The following THSD7B variants were observed in gnomAD, a reference collection of about 807,000 sequenced individuals.
THSD7B encodes thrombospondin type 1 domain containing 7B.
THSD7B carries 138 observed loss-of-function variants against 213.6 expected under a neutral mutation model. The ratio of observed to expected loss-of-function variants is 0.65; its 90% confidence interval spans 0.56 to 0.74. THSD7B has a LOEUF of 0.74. Ranked by LOEUF, THSD7B falls within the 30% of genes least tolerant of loss-of-function variation. THSD7B has a pLI of 0.00. For missense variants in THSD7B, 1,931 were observed against 1,991.5 expected (o/e 0.97, Z 0.58); for synonymous variants, 742 against 687.0 (o/e 1.08, Z -1.25).
intron 21 of THSD7B, among the ~76,000 whole-genome samples, chr2:137,651,579 A>G (rs1314853116): frequency 6.6e-6 from 1 of 151,868 alleles, no homozygotes; most frequent in African/African-American, 2.4e-5. Context: ...TCTGATGTAT[A>G]TGATTTTGTC....
chr2:136,948,155 T>C (rs1225621294), intron 2 of THSD7B, among the ~76,000 whole-genome samples: 2 of 152,186 alleles, frequency 1.3e-5, no homozygotes. Context: ...GAGTGGGTGA[T>C]AGATTGTTGA....
intron 12 of THSD7B, among the ~76,000 whole-genome samples, chr2:137,363,460 G>T (rs1335668265): frequency 6.6e-6 from 1 of 152,012 alleles, no homozygotes; most frequent in Non-Finnish European, 1.5e-5. Flanking sequence ...CTGGTTTTTT[G>T]AAAAGATCAA....
At chr2:137,551,554 T>G (rs2105206977) in intron 15 of THSD7B, among the ~76,000 whole-genome samples, 1 of 152,274 alleles carries the variant, frequency 6.6e-6, no homozygotes, top group Middle Eastern at 3.4e-3. Flanking sequence ...ACCACTGTTC[T>G]TAGGCGAAGG....
chr2:137,618,244 T>A, intron 18 of THSD7B, 148 bp from the exon 19 acceptor site: 1 of 629,452 alleles, frequency 1.6e-6, no homozygotes. Context: ...AATAAGGGCA[T>A]TGCATGATGA....
intron 15 of THSD7B, among the ~76,000 whole-genome samples, chr2:137,500,612 C>T (rs947127888): frequency 6.6e-6 from 1 of 150,890 alleles, no homozygotes; most frequent in Non-Finnish European, 1.5e-5. Flanking sequence ...CTCTGTGAAG[C>T]TATCTTTTAA....
intron 1 of THSD7B, among the ~76,000 whole-genome samples, chr2:136,769,096 G>A (rs577616444): frequency 3.9e-4 from 60 of 152,248 alleles, no homozygotes; most frequent in African/African-American, 1.3e-3. Context: ...TCCATCTACC[G>A]AGATTATTTT....
At chr2:137,284,327 T>C (rs1400620744) in intron 12 of THSD7B, among the ~76,000 whole-genome samples, 10 of 152,160 alleles carry the variant, frequency 6.6e-5, no homozygotes, top group Non-Finnish European at 1.2e-4. Flanking sequence ...TCAATCAATT[T>C]TGTTGATCTT....
intron 5 of THSD7B, among the ~76,000 whole-genome samples, chr2:137,150,750 A>G (rs887089604): frequency 2.0e-5 from 3 of 152,162 alleles, no homozygotes; most frequent in South Asian, 2.1e-4. Context: ...GTCTTTGTAC[A>G]TCATAGAGTG....
intron 2 of THSD7B, among the ~76,000 whole-genome samples, chr2:137,048,047 A>C (rs1033780702): frequency 2.0e-5 from 3 of 151,928 alleles, no homozygotes; most frequent in Non-Finnish European, 2.9e-5. Context: ...TCCTAATGCT[A>C]TCCCTCCCCT....
intron 2 of THSD7B, among the ~76,000 whole-genome samples, chr2:136,992,743 A>T (rs1463255445): frequency 1.3e-5 from 2 of 152,302 alleles, no homozygotes; most frequent in East Asian, 3.9e-4. Flanking sequence ...ACACAGTAGC[A>T]CATCTTGGCA....
At chr2:137,628,827 T>A (rs1248142791) in intron 20 of THSD7B, among the ~76,000 whole-genome samples, 2 of 152,202 alleles carry the variant, frequency 1.3e-5, no homozygotes, top group Non-Finnish European at 2.9e-5. Flanking sequence ...ACTGTCTCCA[T>A]CACCTTGTAC....
rs761254118 is a variant in THSD7B at position 137,242,554 on chromosome 2, C to T, written c.2248C>T (p.Pro750Ser). 3.7e-6 allele frequency: 6 copies of T among 1,613,470 alleles called. No homozygotes were observed. In the Admixed American group the frequency reaches 5.0e-5, roughly 13 times the overall value. Residue 750 changes from proline (P) to serine (S), a missense_variant, in exon 10 of 28, where the codon CCA (proline) becomes TCA (serine). Transcript: ENST00000409968. The part of the protein sequence containing the change: ...VTAFSEWTPC[P>S]RMCQAGNATV... ...TGCTTTCAGTGAGTGGACACCCTGC[C>T]CAAGGATGTGCCAAGCAGGTAGGTG... is the stretch of plus-strand genomic sequence containing the variant.
intron 15 of THSD7B, among the ~76,000 whole-genome samples, chr2:137,545,116 T>C (rs1680683796): frequency 6.6e-6 from 1 of 151,836 alleles, no homozygotes; most frequent in African/African-American, 2.4e-5. Flanking sequence ...AGCTGTATTT[T>C]TGATGAAGAA....
intron 7 of THSD7B, among the ~76,000 whole-genome samples, chr2:137,181,234 A>G (rs776528957): frequency 1.3e-5 from 2 of 152,200 alleles, no homozygotes; most frequent in Non-Finnish European, 2.9e-5. Context: ...AAGATAGGAG[A>G]CAGCTCTTTA....
intron 12 of THSD7B, among the ~76,000 whole-genome samples, chr2:137,377,706 A>C (rs1022537216): frequency 8.6e-5 from 13 of 151,614 alleles, no homozygotes; most frequent in Non-Finnish European, 1.5e-4. Flanking sequence ...GATTCACGGC[A>C]ACCTCTGCCT....
At chr2:137,037,671 G>A (rs1218591304) in intron 2 of THSD7B, among the ~76,000 whole-genome samples, 3 of 152,076 alleles carry the variant, frequency 2.0e-5, no homozygotes, top group African/African-American at 4.8e-5. Flanking sequence ...CTTTTAAGAA[G>A]ATAAATATGG....
chr2:136,771,561 C>G (rs1681504870), intron 1 of THSD7B, among the ~76,000 whole-genome samples: 1 of 152,152 alleles, frequency 6.6e-6, no homozygotes, highest in Non-Finnish European at 1.5e-5. Context: ...ATGTTGCTTT[C>G]CCTACTCCTG....
chr2:137,164,106 G>A (rs1680072358), intron 6 of THSD7B, among the ~76,000 whole-genome samples: 1 of 152,102 alleles, frequency 6.6e-6, no homozygotes, highest in African/African-American at 2.4e-5. Context: ...GGCATGGGAT[G>A]TATCTAGTGC....
chr2:137,384,933 G>A (rs1181850132), intron 12 of THSD7B, among the ~76,000 whole-genome samples: 2 of 152,114 alleles, frequency 1.3e-5, no homozygotes, highest in Non-Finnish European at 2.9e-5. Flanking sequence ...GTGGGATGAG[G>A]CACCTGACCA....
Sources: gnomAD v4.1 joint callset for allele counts (sites outside exome capture counted in the v4.1 genomes callset) on GRCh38, gnomAD v4.1.1 for gene constraint, MANE v1.5 for transcripts, NCBI Gene and HGNC (gene_info 2026-07-23, HGNC 2026-07-21) for gene names.